The following VPS26A variants were observed in gnomAD, a reference collection of about 807,000 sequenced individuals.
VPS26A encodes VPS26 retromer complex component A.
A neutral mutation model predicts 42.4 loss-of-function variants in VPS26A; 22 were observed. The ratio of observed to expected loss-of-function variants is 0.52; its 90% CI spans 0.37 to 0.74. The LOEUF is 0.74. Ranked by LOEUF, VPS26A falls within the 30% of genes least tolerant of loss-of-function variation. VPS26A has a pLI of 0.00. For missense variants in VPS26A, 276 were observed against 379.2 expected, an observed-to-expected ratio of 0.73 and a Z score of 2.26; for synonymous variants, 110 against 123.5, an observed-to-expected ratio of 0.89 and a Z score of 0.73.
chr10:69,124,390 G>A (rs945845225), intron 1 of VPS26A, 110 bp downstream of exon 1: 21 of 1,159,160 alleles, frequency 1.8e-5, no homozygotes, highest in Non-Finnish European at 2.2e-5. Flanking sequence ...GGGGAGCAGG[G>A]CGGGGAGCGG....
At chr10:69,124,414 G>A (rs1180983199) in intron 1 of VPS26A, 134 bp downstream of exon 1, 2 of 1,014,496 alleles carry the variant, frequency 2.0e-6, no homozygotes, top group South Asian at 4.9e-5. Flanking sequence ...TAGGCCTGTC[G>A]GGCCACCCCT....
At chr10:69,158,551 C>G (rs998133516) in intron 5 of VPS26A, among the ~76,000 whole-genome samples, 14 of 151,982 alleles carry the variant, frequency 9.2e-5, no homozygotes, top group African/African-American at 3.1e-4. Context: ...ACCTTTACCA[C>G]TTAATCACTG....
chr10:69,134,475 C>T (rs1398602425), intron 2 of VPS26A, among the ~76,000 whole-genome samples: 1 of 152,172 alleles, frequency 6.6e-6, no homozygotes, highest in Non-Finnish European at 1.5e-5. Context: ...TCTTAATACA[C>T]ATTAATCTGG....
chr10:69,168,212 A>G (rs1279584926), intron 7 of VPS26A, among the ~76,000 whole-genome samples: 4 of 152,134 alleles, frequency 2.6e-5, no homozygotes. Flanking sequence ...TTGTCTGGAG[A>G]TATTTTTGGC....
chr10:69,171,278 G>A lies in VPS26A; in HGVS notation c.*9G>A. 3 of 1,599,138 alleles carry A rather than the reference G, an allele frequency of 1.9e-6. No individual in the cohort carries two copies. Among genetic ancestry groups the A allele is most frequent in the Non-Finnish European group, 2.6e-6 (3 of 1,176,184 alleles). ...AACAGCCTGAAATGTGAACTGAACA[G>A]GAGAAAAAAAGAAAAGCAAAAAACT... On this transcript the variant is annotated 3_prime_UTR_variant, in exon 9 of 9. Transcript: ENST00000263559.
At chr10:69,144,991 TCTC>T (rs1251122420) in intron 2 of VPS26A, among the ~76,000 whole-genome samples, 1 of 152,034 alleles carries the variant, frequency 6.6e-6, no homozygotes, top group African/African-American at 2.4e-5. Context: ...ACAAAGATAT[TCTC>T]CTGTTTTTTT....
intron 2 of VPS26A, among the ~76,000 whole-genome samples, chr10:69,147,760 T>C (rs759593012): frequency 1.7e-4 from 26 of 152,184 alleles, no homozygotes; most frequent in Non-Finnish European, 3.5e-4. Context: ...GTCGCCAGGC[T>C]GGAGTGCAGT....
At chr10:69,169,265 A>C in intron 8 of VPS26A, among the ~76,000 whole-genome samples, 1 of 151,540 alleles carries the variant, frequency 6.6e-6, no homozygotes. Flanking sequence ...TATTATTATT[A>C]CTATTTTTAT....
At chr10:69,128,230 ATTTTT>A (rs34855332) in intron 1 of VPS26A, among the ~76,000 whole-genome samples, 1 of 122,042 alleles carries the variant, frequency 8.2e-6, no homozygotes. Flanking sequence ...TTGGGATTTG[ATTTTT>A]TTTTTTTTTT....
chr10:69,130,846 T>C lies in VPS26A; in HGVS notation c.4-2052T>C, dbSNP rs78956117. On this transcript the variant is annotated intron_variant, in intron 1 of 8. Coordinates refer to ENST00000263559, the MANE Select transcript of VPS26A (RefSeq NM_004896.5). ...ACATTATGTGTATGAGATTCATTCT[T>C]GTGTGTAGTTGTATCTCCTCTAATT... Among the ~76,000 whole-genome samples the C allele has an allele frequency of 7.5e-3, 1,139 of 152,348 alleles. 28 individuals carry two copies. Among genetic ancestry groups the C allele is most frequent in the African/African-American group, 0.026 (1,090 of 41,574 alleles).
intron 2 of VPS26A, among the ~76,000 whole-genome samples, chr10:69,150,335 C>T (rs917552288): frequency 5.9e-5 from 9 of 152,148 alleles, no homozygotes; most frequent in African/African-American, 1.7e-4. Flanking sequence ...GGATTACAGG[C>T]GTGGGCCACT....
At chr10:69,154,580 G>A (rs1841389035) in intron 2 of VPS26A, among the ~76,000 whole-genome samples, 1 of 151,198 alleles carries the variant, frequency 6.6e-6, no homozygotes. Context: ...AGATGAGTTT[G>A]TGGCCAGTAC....
intron 6 of VPS26A, 22 bp from the exon 7 acceptor site, chr10:69,166,020 G>A (rs373667311): frequency 3.1e-5 from 50 of 1,594,828 alleles, no homozygotes; most frequent in Non-Finnish European, 4.3e-5. Context: ...TTAAATTAAT[G>A]TTATTTACAT....
chr10:69,142,886 A>G (rs1368058316), intron 2 of VPS26A, among the ~76,000 whole-genome samples: 1 of 152,232 alleles, frequency 6.6e-6, no homozygotes, highest in Non-Finnish European at 1.5e-5. Flanking sequence ...GCTATGCGAT[A>G]ATACTGAAAG....
Position 69,172,339 on chromosome 10 carries a change from C to G in VPS26A, c.*1070C>G, listed in dbSNP as rs1158923953. 6.6e-6 allele frequency: 1 copy of G among 152,126 alleles called. No individual in the cohort carries two copies. Among genetic ancestry groups the G allele is most frequent in the Non-Finnish European group, 1.5e-5 (1 of 68,002 alleles). The allele number at this position is 152,126 out of a possible 1,614,324, so 9.4% of individuals were successfully genotyped here. A position where few individuals can be genotyped will look rare whatever the true frequency, so the allele number is the denominator to read the frequency against. On this transcript the variant is annotated 3_prime_UTR_variant, in exon 9 of 9. Coordinates refer to ENST00000263559, the MANE Select transcript of VPS26A (RefSeq NM_004896.5). ...AATTCAAGTCATTTGTTTTAAGTCT[C>G]TAAAAAAGAAGATTGCAGTCATCCA... is the stretch of plus-strand genomic sequence containing the variant.
rs1841741020 is a variant in VPS26A at position 69,168,426 on chromosome 10, C to T, written c.728-63C>T. 3 of 1,547,378 alleles carry T rather than the reference C, an allele frequency of 1.9e-6. No individual in the cohort carries two copies. The Admixed American group carries it at 5.5e-5, about 28-fold the overall frequency. On this transcript the variant is annotated intron_variant, in intron 7 of 8. Transcript: ENST00000263559. ...AGTGTCAACTCTATAGTGCTTAGTCCTACCTGTTATGTGACTATATTTAAT... is the reference window on the plus strand; with the variant it reads ...AGTGTCAACTCTATAGTGCTTAGTCTTACCTGTTATGTGACTATATTTAAT...
intron 1 of VPS26A, among the ~76,000 whole-genome samples, chr10:69,127,748 T>C (rs1840694088): frequency 6.7e-6 from 1 of 148,320 alleles, no homozygotes; most frequent in East Asian, 2.0e-4. Context: ...TTTTTTTTTT[T>C]TTTGAGACAA....
intron 4 of VPS26A, among the ~76,000 whole-genome samples, 153 bp from the exon 5 acceptor site, chr10:69,157,894 A>G (rs1345467984): frequency 6.6e-6 from 1 of 152,224 alleles, no homozygotes; most frequent in Non-Finnish European, 1.5e-5. Context: ...ATTAAAGAAA[A>G]TTGGAACTCC....
intron 2 of VPS26A, among the ~76,000 whole-genome samples, chr10:69,136,437 G>A (rs1044499057): frequency 6.6e-6 from 1 of 151,544 alleles, no homozygotes; most frequent in Non-Finnish European, 1.5e-5. Flanking sequence ...GCTAATTTTC[G>A]TATTTTTATT....
Sources: allele counts gnomAD v4.1 joint callset (sites outside exome capture counted in the v4.1 genomes callset), GRCh38; gene constraint gnomAD v4.1.1; transcripts MANE v1.5; gene names NCBI Gene and HGNC (gene_info 2026-07-23, HGNC 2026-07-21).